HDAC4: variants seen among roughly 807,000 people sequenced by gnomAD.
HDAC4 encodes histone deacetylase A.
A neutral mutation model predicts 135.1 loss-of-function variants in HDAC4; 16 were observed. The observed-to-expected ratio is 0.12, with a 90% CI of 0.08 to 0.18. The LOEUF is 0.18. Among genes scored for constraint, HDAC4 ranks in the 10% least tolerant of loss-of-function variants. HDAC4 has a pLI of 1.00. For missense variants in HDAC4, 1,143 were observed against 1,511.8 expected (o/e 0.76, Z 4.05); for synonymous variants, 685 against 653.4 (o/e 1.05, Z -0.74).
In HDAC4 at chr2:239,400,905, G is replaced by GCGGCGGCGGGGACGGTGCT. The variant is rs1358615431; in HGVS notation, c.-220+54_-220+72dup. 6.7e-6 allele frequency: 1 copy of GCGGCGGCGGGGACGGTGCT among 148,328 alleles called. No individual in the cohort carries two copies. The highest frequency in any genetic ancestry group is 2.4e-5 in the African/African-American group (1 of 40,850). The allele number at this position is 148,328 out of a possible 1,614,324, so 9.2% of individuals were successfully genotyped here. A position where few individuals can be genotyped will look rare whatever the true frequency, so the allele number is the denominator to read the frequency against. On this transcript the variant is annotated intron_variant, in intron 1 of 26. Coordinates refer to ENST00000543185, the MANE Select transcript of HDAC4 (RefSeq NM_001378414.1). This position sits in a 1 kb window ranked among gnomAD's most constrained non-coding sequence, Gnocchi z 4.7. ...TGCGCGGGCTCGGGCTCGGGCTCGG[G>GCGGCGGCGGGGACGGTGCT]CGGCGGCGGGGACGGTGCTCCGCGG...
rs1465214759 is a variant in HDAC4, at chr2:239,307,186, G to C, written c.22+45492C>G. The stretch of plus-strand genomic sequence containing the variant: ...GAAACCCTGACAGGGAGGGAGAAGA[G>C]AGCCCTGGGCACAAAGCCCAGGGCC... On this transcript the variant is annotated intron_variant, in intron 2 of 26. Transcript: ENST00000543185. The surrounding 1 kb of genome is among the most constrained non-coding windows in gnomAD (Gnocchi z 4.8). Among the ~76,000 whole-genome samples, 1 of 152,146 alleles carries C rather than the reference G, an allele frequency of 6.6e-6. No individual in the cohort carries two copies. The highest frequency in any genetic ancestry group is 1.5e-5 in the Non-Finnish European group (1 of 68,012).
chr2:239,331,007 G>T lies in HDAC4; in HGVS notation c.22+21671C>A, dbSNP rs1038872259. On this transcript the variant is annotated intron_variant, in intron 2 of 26. Transcript: ENST00000543185. This position sits in a 1 kb window ranked among gnomAD's most constrained non-coding sequence, Gnocchi z 4.5. ...CACAGACCTGCTGCCCTGTGCGTGC[G>T]CATTCCCAACCTGCCTGACCTTGGC... is the stretch of plus-strand genomic sequence containing the variant. Among the ~76,000 whole-genome samples the T allele has an allele frequency of 6.6e-6, 1 of 152,178 alleles. No individual in the cohort carries two copies. The highest frequency in any genetic ancestry group is 1.5e-5 in the Non-Finnish European group (1 of 68,036).
intron 17 of HDAC4, 56 bp from the exon 18 acceptor site, chr2:239,090,172 G>A (rs2036375067): frequency 1.5e-6 from 2 of 1,304,876 alleles, no homozygotes; most frequent in Non-Finnish European, 2.2e-6. Flanking sequence ...GTCATCACCA[G>A]CCCTGGCTGG....
intron 7 of HDAC4, among the ~76,000 whole-genome samples, chr2:239,145,426 C>T (rs1045221279): frequency 2.0e-5 from 3 of 150,732 alleles, no homozygotes; most frequent in Admixed American, 2.0e-4. Flanking sequence ...GAGCCATTTG[C>T]GAATCTACAC....
chr2:239,361,777 G>A (rs557631213), intron 1 of HDAC4, among the ~76,000 whole-genome samples: 11 of 152,262 alleles, frequency 7.2e-5, no homozygotes, highest in South Asian at 2.1e-4. Context: ...ACAACCCAAC[G>A]CAACACTCAC....
At chr2:239,202,209 T>G (rs2045798450) in intron 3 of HDAC4, among the ~76,000 whole-genome samples, 1 of 152,064 alleles carries the variant, frequency 6.6e-6, no homozygotes, top group African/African-American at 2.4e-5. Flanking sequence ...CTACCTATAG[T>G]AGGAAGCTCT....
At position 239,219,998 on chromosome 2, in the gene HDAC4, T is replaced by G. The variant is rs997543557; in HGVS notation, c.94+16595A>C. Among the ~76,000 whole-genome samples, 8 of 152,226 alleles carry G rather than the reference T, an allele frequency of 5.3e-5. No homozygotes were observed. The South Asian group carries it at 1.2e-3, about 24-fold the overall frequency. On this transcript the variant is annotated intron_variant, in intron 3 of 26. Transcript: ENST00000543185. Reference sequence around the variant, plus strand: ...AGGATGGGAATAGTACAATTCTTACTTCAGCCAACAGATAGGCCTCGAACC... The same window carrying G: ...AGGATGGGAATAGTACAATTCTTACGTCAGCCAACAGATAGGCCTCGAACC...
In HDAC4 at chr2:239,122,543, C is replaced by T. The variant is rs548658225; in HGVS notation, c.1533+3913G>A. The stretch of plus-strand genomic sequence containing the variant: ...TATAAACACCACTGCATACAAGGCA[C>T]GGGCAACAGAAGCTGACACAGTTGG... On this transcript the variant is annotated intron_variant, in intron 12 of 26. Transcript: ENST00000543185. Among the ~76,000 whole-genome samples the T allele has an allele frequency of 1.1e-4, 17 of 152,324 alleles. No homozygotes were observed. The East Asian group carries it at 2.3e-3, about 21-fold the overall frequency.
intron 7 of HDAC4, among the ~76,000 whole-genome samples, chr2:239,148,184 G>T (rs552353499): frequency 6.6e-6 from 1 of 152,176 alleles, no homozygotes; most frequent in Non-Finnish European, 1.5e-5. Context: ...GCTTCCAGCT[G>T]CTCTGCCCTG....
At chr2:239,072,522 C>A (rs2034305504) in intron 22 of HDAC4, among the ~76,000 whole-genome samples, 1 of 152,208 alleles carries the variant, frequency 6.6e-6, no homozygotes, top group Non-Finnish European at 1.5e-5. Flanking sequence ...GCCTCCCCAG[C>A]ACACGCGTGT....
At chr2:239,338,927 T>A (rs1692116713) in intron 2 of HDAC4, among the ~76,000 whole-genome samples, 1 of 152,140 alleles carries the variant, frequency 6.6e-6, no homozygotes, top group Non-Finnish European at 1.5e-5. Flanking sequence ...AGTGGCTGAG[T>A]TTTGTTTCCG....
chr2:239,232,455 C>T (rs907547539), intron 3 of HDAC4, among the ~76,000 whole-genome samples: 12 of 152,178 alleles, frequency 7.9e-5, no homozygotes, highest in Non-Finnish European at 1.6e-4. Flanking sequence ...GGCAGAGAAC[C>T]GGGGGTCACG....
chr2:239,195,641 C>G (rs2045330976), intron 3 of HDAC4, among the ~76,000 whole-genome samples: 1 of 152,198 alleles, frequency 6.6e-6, no homozygotes, highest in East Asian at 1.9e-4. Context: ...ACCCAAAGCA[C>G]CCTGAAGAAA....
intron 2 of HDAC4, among the ~76,000 whole-genome samples, chr2:239,319,642 C>A (rs1219108214): frequency 2.0e-5 from 3 of 152,184 alleles, no homozygotes; most frequent in Admixed American, 6.5e-5. Flanking sequence ...AAAAGAATGT[C>A]CACAACATCA....
Position 239,068,411 on chromosome 2 carries a change from G to C in HDAC4, c.2869+78C>G. 1.9e-6 allele frequency: 2 copies of C among 1,033,758 alleles called. No individual in the cohort carries two copies. The highest frequency in any genetic ancestry group is 1.5e-6 in the Non-Finnish European group (1 of 653,878). The allele number at this position is 1,033,758 out of a possible 1,614,324, so 64.0% of individuals were successfully genotyped here. A position where few individuals can be genotyped will look rare whatever the true frequency, so the allele number is the denominator to read the frequency against. On this transcript the variant is annotated intron_variant, in intron 23 of 26. Coordinates refer to ENST00000543185, the MANE Select transcript of HDAC4 (RefSeq NM_001378414.1). The surrounding 1 kb of genome is among the most constrained non-coding windows in gnomAD (Gnocchi z 4.4). ...CCCTTCCTTATCTCGTTATTAAAAA[G>C]GGGACCTGACACGCGGAACACAGCG...
In HDAC4 at chr2:239,307,942, G is replaced by A. The variant is rs557055451; in HGVS notation, c.22+44736C>T. On this transcript the variant is annotated intron_variant, in intron 2 of 26. Transcript: ENST00000543185. This position sits in a 1 kb window ranked among gnomAD's most constrained non-coding sequence, Gnocchi z 4.8. The stretch of plus-strand genomic sequence containing the variant: ...ATCTCCACCTGAAAACGGAACACAA[G>A]GCCCGGCAGCAACAGCCAGCAAAGT... Among the ~76,000 whole-genome samples the A allele has an allele frequency of 2.0e-5, 3 of 152,238 alleles. No homozygotes were observed. The highest frequency in any genetic ancestry group is 4.4e-5 in the Non-Finnish European group (3 of 68,014).
intron 1 of HDAC4, among the ~76,000 whole-genome samples, chr2:239,353,990 T>C (rs1327737441): frequency 1.3e-5 from 2 of 152,192 alleles, no homozygotes; most frequent in African/African-American, 4.8e-5. Context: ...ATGACCATTT[T>C]CTCAGGTTTT....
intron 5 of HDAC4, among the ~76,000 whole-genome samples, chr2:239,165,706 C>G (rs1388999362): frequency 2.0e-5 from 3 of 152,196 alleles, no homozygotes; most frequent in Non-Finnish European, 4.4e-5. Flanking sequence ...CATGGACGCC[C>G]TGGTTCGTGG....
At chr2:239,305,942 A>T (rs1032632032) in intron 2 of HDAC4, among the ~76,000 whole-genome samples, 1 of 152,196 alleles carries the variant, frequency 6.6e-6, no homozygotes, top group African/African-American at 2.4e-5. Context: ...AACCGTGACA[A>T]AGAGCTGGTA....
Sources: gnomAD v4.1 joint callset for allele counts (sites outside exome capture counted in the v4.1 genomes callset) on GRCh38, gnomAD v4.1.1 for gene constraint, Gnocchi (gnomAD v3.1) non-coding constraint, MANE v1.5 for transcripts, NCBI Gene and HGNC (gene_info 2026-07-23, HGNC 2026-07-21) for gene names.